The following FMN1 variants were observed in gnomAD, a reference collection of about 807,000 sequenced individuals.
The protein encoded by FMN1 is formin 1.
Under a neutral mutation model 132.4 loss-of-function variants are expected in FMN1, and 110 were observed. That is an observed-to-expected ratio of 0.83 (90% CI 0.71 to 0.97). The LOEUF is 0.97. Among genes scored for constraint, FMN1 ranks in the 50% least tolerant of loss-of-function variants. The probability of loss-of-function intolerance (pLI) is 0.00; values close to 1 mark genes in which losing one functional copy is unlikely to be tolerated. For synonymous variants in FMN1, 722 were observed against 651.7 expected, an observed-to-expected ratio of 1.11 and a Z score of -1.64; for missense variants, 1,792 against 1,705.3, an observed-to-expected ratio of 1.05 and a Z score of -0.90.
intron 4 of FMN1, among the ~76,000 whole-genome samples, chr15:33,128,783 G>A (rs552933110): frequency 6.6e-6 from 1 of 152,344 alleles, no homozygotes; most frequent in South Asian, 2.1e-4. Context: ...GACCCAAACG[G>A]TGAGCAGCAG....
chr15:32,973,469 A>G (rs1410832822), intron 7 of FMN1, among the ~76,000 whole-genome samples: 1 of 152,226 alleles, frequency 6.6e-6, no homozygotes, highest in Non-Finnish European at 1.5e-5. Flanking sequence ...GAATGACCAA[A>G]TAAGAAGGAA....
intron 19 of FMN1, among the ~76,000 whole-genome samples, chr15:32,784,138 T>C (rs1177435354): frequency 2.0e-5 from 3 of 151,786 alleles, no homozygotes; most frequent in African/African-American, 4.8e-5. Flanking sequence ...CAGATAAGAG[T>C]GTTCAGGCTG....
chr15:32,848,974 TTTG>T lies in FMN1; in HGVS notation c.3928+8038_3928+8040del, dbSNP rs941901073. On this transcript the variant is annotated intron_variant, in intron 17 of 20. Transcript: ENST00000616417. Reference sequence around the variant, plus strand: ...AATATCAGTCTTGGGTTAGTTCTCTTTTGTTTTTTTTTTTTTTTTTTTTTTCAG... The same window carrying T: ...AATATCAGTCTTGGGTTAGTTCTCTTTTTTTTTTTTTTTTTTTTTTTTCAG... Among the ~76,000 whole-genome samples, 5 of 103,850 alleles carry T rather than the reference TTTG, an allele frequency of 4.8e-5. No homozygotes were observed. In the Admixed American group the frequency reaches 5.4e-4, roughly 11 times the overall value. 68.1% of individuals were successfully genotyped at this position (103,850 alleles called of 152,430 possible).
intron 8 of FMN1, among the ~76,000 whole-genome samples, chr15:32,966,198 T>A (rs1357252819): frequency 6.6e-6 from 1 of 152,154 alleles, no homozygotes; most frequent in Non-Finnish European, 1.5e-5. Flanking sequence ...GACTCTGAGG[T>A]CAGGCCAGTG....
chr15:32,917,681 G>C (rs570637875), intron 10 of FMN1, among the ~76,000 whole-genome samples: 104 of 152,272 alleles, frequency 6.8e-4, no homozygotes, highest in African/African-American at 2.4e-3. Flanking sequence ...TATCCTCCAA[G>C]GCAGTGGTAA....
At chr15:32,967,220 T>C (rs2031324149) in intron 8 of FMN1, among the ~76,000 whole-genome samples, 1 of 152,248 alleles carries the variant, frequency 6.6e-6, no homozygotes, top group African/African-American at 2.4e-5. Context: ...TGTCTCCAGC[T>C]TTCCCGTGGT....
At chr15:33,019,481 C>T (rs11072125) in intron 6 of FMN1, among the ~76,000 whole-genome samples, 38,123 of 152,158 alleles carry the variant, frequency 0.25, 5,249 homozygotes, top group Non-Finnish European at 0.31. Flanking sequence ...CCACGCCGTG[C>T]GACTCCTCAG....
intron 17 of FMN1, among the ~76,000 whole-genome samples, chr15:32,832,152 A>G (rs2058518339): frequency 6.6e-6 from 1 of 152,218 alleles, no homozygotes; most frequent in Admixed American, 6.5e-5. Context: ...CAAAGAGTTT[A>G]TTTCCAACAT....
intron 16 of FMN1, among the ~76,000 whole-genome samples, chr15:32,877,156 G>A (rs749346435): frequency 2.0e-5 from 3 of 152,090 alleles, no homozygotes; most frequent in East Asian, 1.9e-4. Context: ...GCATGCTGGC[G>A]GGTGCCTGTA....
At chr15:32,815,358 C>A (rs2058024979) in intron 17 of FMN1, among the ~76,000 whole-genome samples, 1 of 151,920 alleles carries the variant, frequency 6.6e-6, no homozygotes, top group Admixed American at 6.6e-5. Context: ...AAGAAAGCAC[C>A]TCATGTTAAT....
intron 19 of FMN1, among the ~76,000 whole-genome samples, chr15:32,792,319 C>T (rs1034515967): frequency 1.3e-5 from 2 of 151,280 alleles, no homozygotes; most frequent in African/African-American, 4.9e-5. Flanking sequence ...GTGGCAGACG[C>T]CTGTAGTCCC....
intron 7 of FMN1, 112 bp from the exon 8 acceptor site, chr15:32,969,589 T>C: frequency 8.5e-7 from 1 of 1,176,274 alleles, no homozygotes; most frequent in Non-Finnish European, 1.2e-6. Context: ...CCCACATAAA[T>C]GCAGGGAAAT....
intron 17 of FMN1, among the ~76,000 whole-genome samples, chr15:32,844,065 G>A (rs1451536295): frequency 6.6e-6 from 1 of 152,160 alleles, no homozygotes; most frequent in Non-Finnish European, 1.5e-5. Context: ...AAAGGATTAA[G>A]GAATTAAATA....
rs562144103 is a variant in FMN1 at position 33,143,090 on chromosome 15, T to C, written c.1867+9958A>G. ...AAGCCAATCATATGTTGTAAAGTTA[T>C]TCCATTTAAAAGATCAGTTTCTTTG... On this transcript the variant is annotated intron_variant, in intron 4 of 20. Coordinates refer to ENST00000616417, the MANE Select transcript of FMN1 (RefSeq NM_001277313.2). Among the ~76,000 whole-genome samples the C allele has an allele frequency of 4.9e-4, 74 of 152,350 alleles. 1 individual carries two copies. Among genetic ancestry groups the C allele is most frequent in the African/African-American group, 1.7e-3 (72 of 41,582 alleles).
chr15:32,765,793 G>A lies in FMN1; in HGVS notation c.*8517C>T, dbSNP rs2056026649. 1 of 151,656 alleles carries A rather than the reference G, an allele frequency of 6.6e-6. No homozygotes were observed. The highest frequency in any genetic ancestry group is 1.5e-5 in the Non-Finnish European group (1 of 67,916). 9.4% of individuals were successfully genotyped at this position (151,656 alleles called of 1,614,324 possible). A position where few individuals can be genotyped will look rare whatever the true frequency, so the allele number is the denominator to read the frequency against. ...ATTGTGACCAAGTACTGTCAAGGAG[G>A]AAAAAATATATATATATAATACACA... On this transcript the variant is annotated 3_prime_UTR_variant, in exon 21 of 21. Coordinates refer to ENST00000616417, the MANE Select transcript of FMN1 (RefSeq NM_001277313.2).
At chr15:32,845,271 C>T (rs1056751094) in intron 17 of FMN1, among the ~76,000 whole-genome samples, 2 of 152,172 alleles carry the variant, frequency 1.3e-5, no homozygotes, top group African/African-American at 4.8e-5. Flanking sequence ...ATGCAAGATG[C>T]AGAGCTCAAT....
At chr15:33,017,445 T>G (rs552458061) in intron 6 of FMN1, among the ~76,000 whole-genome samples, 4 of 152,290 alleles carry the variant, frequency 2.6e-5, no homozygotes, top group Non-Finnish European at 4.4e-5. Context: ...GCTCAATTTT[T>G]CTATCAACCT....
chr15:33,115,117 A>T (rs745320709), intron 4 of FMN1, among the ~76,000 whole-genome samples: 1 of 152,236 alleles, frequency 6.6e-6, no homozygotes, highest in Non-Finnish European at 1.5e-5. Flanking sequence ...AAGATAACTA[A>T]GACAAGGCCC....
chr15:33,031,920 C>A (rs1410968713), intron 6 of FMN1, among the ~76,000 whole-genome samples: 1 of 152,202 alleles, frequency 6.6e-6, no homozygotes, highest in Non-Finnish European at 1.5e-5. Flanking sequence ...TTTTTGTCTA[C>A]TTGTTTCCAA....
Sources: gnomAD v4.1 joint callset for allele counts (sites outside exome capture counted in the v4.1 genomes callset) on GRCh38, gnomAD v4.1.1 for gene constraint, MANE v1.5 for transcripts, NCBI Gene and HGNC (gene_info 2026-07-23, HGNC 2026-07-21) for gene names.